The following DOCK4 variants were observed in gnomAD, a reference collection of about 807,000 sequenced individuals.
DOCK4 encodes the protein dedicator of cytokinesis protein 4.
DOCK4 carries 97 observed loss-of-function variants against 268.1 expected under a neutral mutation model. The observed-to-expected ratio is 0.36, with a 90% CI of 0.31 to 0.43. The LOEUF (loss-of-function observed/expected upper bound fraction) is 0.43, where lower values mean the gene tolerates loss of function less well. DOCK4 is among the 20% of genes least tolerant of loss of function. The pLI is 1.00. For missense variants in DOCK4, 2,145 were observed against 2,455.7 expected, an observed-to-expected ratio of 0.87 and a Z score of 2.67; for synonymous variants, 954 against 887.2, an observed-to-expected ratio of 1.08 and a Z score of -1.34.
At chr7:112,114,210 G>A (rs554794505) in intron 1 of DOCK4, among the ~76,000 whole-genome samples, 129 of 152,132 alleles carry the variant, frequency 8.5e-4, no homozygotes, top group African/African-American at 2.9e-3. Flanking sequence ...TTCATGACAC[G>A]GTCATTCCCC....
chr7:112,061,333 G>C (rs766953559), intron 1 of DOCK4, among the ~76,000 whole-genome samples: 2 of 152,102 alleles, frequency 1.3e-5, no homozygotes, highest in East Asian at 3.9e-4. Context: ...TGGGTCACAC[G>C]ACCAGGTAGT....
intron 13 of DOCK4, among the ~76,000 whole-genome samples, chr7:111,905,275 G>A (rs1791466456): frequency 6.6e-6 from 1 of 152,172 alleles, no homozygotes; most frequent in Non-Finnish European, 1.5e-5. Context: ...TGGAGTCATA[G>A]CACCCGTGTG....
intron 1 of DOCK4, among the ~76,000 whole-genome samples, chr7:112,088,688 T>C (rs990583470): frequency 1.1e-4 from 16 of 152,148 alleles, no homozygotes; most frequent in African/African-American, 3.9e-4. Flanking sequence ...TCGGGCAGGA[T>C]TGTGTTAACT....
chr7:112,092,240 C>G (rs76401612), intron 1 of DOCK4, among the ~76,000 whole-genome samples: 192 of 152,290 alleles, frequency 1.3e-3, no homozygotes, highest in Non-Finnish European at 1.9e-3. Context: ...GTTTATCCAC[C>G]ACGCAGTATG....
Position 111,741,575 on chromosome 7 carries a change from C to T in DOCK4, c.4884G>A (p.Val1628=). The T allele has an allele frequency of 6.2e-7, 1 of 1,613,468 alleles. No individual in the cohort carries two copies. Among genetic ancestry groups the T allele is most frequent in the Non-Finnish European group, 8.5e-7 (1 of 1,179,704 alleles). The change falls in exon 46 of 53, where the codon GTG becomes GTA. Residue 1628 remains valine, a synonymous_variant. Transcript: ENST00000428084. ...GAATTACCCTGGTACCATCTGGGCT[C>T]ACAGAAGCAGGTGCTGAGTTTCTAC... ...RVCRNSAPAS[V]SPDGTRVIPR...
rs746855415 is a variant in DOCK4 at position 111,739,194 on chromosome 7, G to A, written c.5172C>T (p.Cys1724=). 4.2e-5 allele frequency: 68 copies of A among 1,613,880 alleles called. No individual in the cohort carries two copies. Among genetic ancestry groups the A allele is most frequent in the Non-Finnish European group, 5.5e-5 (65 of 1,179,884 alleles). ...TGCATGGTCTCTCTCTTGGTGACAG[G>A]CAAGAGTTTTCTCGGGAATGTTTGT... ...DKHKHSRENS[C]LSPRERPCSA... The change falls in exon 49 of 53, where the codon TGC becomes TGT. Residue 1724 remains cysteine, a synonymous_variant. Coordinates refer to ENST00000428084, the MANE Select transcript of DOCK4 (RefSeq NM_001363540.2).
At chr7:111,864,301 A>G (rs1461952439) in intron 22 of DOCK4, among the ~76,000 whole-genome samples, 4 of 152,112 alleles carry the variant, frequency 2.6e-5, no homozygotes, top group Non-Finnish European at 5.9e-5. Context: ...CTCACATCAA[A>G]TCTCAAAGGG....
At chr7:111,850,822 T>C (rs981233884) in intron 23 of DOCK4, among the ~76,000 whole-genome samples, 1 of 152,090 alleles carries the variant, frequency 6.6e-6, no homozygotes, top group African/African-American at 2.4e-5. Flanking sequence ...CCATCTCCCT[T>C]TGCTGACTCC....
intron 1 of DOCK4, among the ~76,000 whole-genome samples, chr7:112,122,863 T>G (rs1009266548): frequency 2.6e-5 from 4 of 152,232 alleles, no homozygotes; most frequent in Non-Finnish European, 5.9e-5. Context: ...CTGAAGCCCA[T>G]ATTTCCCTAA....
intron 42 of DOCK4, among the ~76,000 whole-genome samples, chr7:111,751,503 G>T (rs1246236657): frequency 6.6e-6 from 1 of 151,882 alleles, no homozygotes; most frequent in African/African-American, 2.4e-5. Flanking sequence ...GGAGTGCAGT[G>T]GTGCAATCTT....
chr7:111,770,048 T>C (rs1798024461), intron 36 of DOCK4, among the ~76,000 whole-genome samples: 1 of 151,972 alleles, frequency 6.6e-6, no homozygotes, highest in African/African-American at 2.4e-5. Context: ...GAGAGTTCAC[T>C]AGTAAGTTCC....
At chr7:111,940,666 T>C (rs1343686977) in intron 10 of DOCK4, among the ~76,000 whole-genome samples, 1 of 152,218 alleles carries the variant, frequency 6.6e-6, no homozygotes, top group African/African-American at 2.4e-5. Flanking sequence ...AGTTTGAGGT[T>C]GTCTGAAGTA....
intron 1 of DOCK4, among the ~76,000 whole-genome samples, chr7:112,166,022 C>A (rs990648337): frequency 3.9e-5 from 6 of 152,158 alleles, no homozygotes; most frequent in Admixed American, 3.9e-4. Flanking sequence ...CATCCCCAAC[C>A]ATTTCTGTCA....
At chr7:111,900,607 A>ATTG in intron 14 of DOCK4, 71 bp from the exon 15 acceptor site, 2 of 1,471,942 alleles carry the variant, frequency 1.4e-6, no homozygotes, top group Non-Finnish European at 1.8e-6. Context: ...CAGAGCAATC[A>ATTG]CTTTGCTCTA....
chr7:112,046,919 A>G (rs1804875960), intron 1 of DOCK4, among the ~76,000 whole-genome samples: 1 of 152,226 alleles, frequency 6.6e-6, no homozygotes, highest in African/African-American at 2.4e-5. Context: ...TTACAGCAGC[A>G]GCGAGGAAAA....
intron 1 of DOCK4, among the ~76,000 whole-genome samples, chr7:112,158,397 C>T (rs891907728): frequency 3.3e-5 from 5 of 152,144 alleles, no homozygotes; most frequent in African/African-American, 9.7e-5. Flanking sequence ...GTAAATTTAG[C>T]ACTTAATCTG....
intron 1 of DOCK4, among the ~76,000 whole-genome samples, chr7:112,115,223 T>C (rs1050783627): frequency 6.6e-6 from 1 of 152,218 alleles, no homozygotes; most frequent in Non-Finnish European, 1.5e-5. Context: ...AAAAAATATA[T>C]ACAGAAAAAA....
intron 39 of DOCK4, among the ~76,000 whole-genome samples, chr7:111,764,149 A>AACTG (rs1797627108): frequency 6.6e-6 from 1 of 152,240 alleles, no homozygotes; most frequent in East Asian, 1.9e-4. Flanking sequence ...TGGTCATTTC[A>AACTG]ACTGACTAAA....
chr7:111,893,961 C>T (rs1411984035), intron 16 of DOCK4, among the ~76,000 whole-genome samples: 25 of 151,986 alleles, frequency 1.6e-4, no homozygotes, highest in African/African-American at 4.1e-4. Flanking sequence ...CAGTGGCCCA[C>T]GCCTGTAATC....
Sources: gnomAD v4.1 joint callset for allele counts (sites outside exome capture counted in the v4.1 genomes callset) on GRCh38, gnomAD v4.1.1 for gene constraint, MANE v1.5 for transcripts, NCBI Gene and HGNC (gene_info 2026-07-23, HGNC 2026-07-21) for gene names.